The following SCN1A variants were observed in gnomAD, a reference collection of about 807,000 sequenced individuals.
SCN1A encodes sodium channel protein type 1 subunit alpha.
Under a neutral mutation model 193.7 loss-of-function variants are expected in SCN1A, and 13 were observed. That is an observed-to-expected ratio of 0.07 (90% CI 0.04 to 0.11). SCN1A has a LOEUF of 0.11. Among genes scored for constraint, SCN1A ranks in the 10% least tolerant of loss-of-function variants. SCN1A has a pLI of 1.00. For missense variants in SCN1A, 1,432 were observed against 2,451.1 expected (o/e 0.58, Z 8.78); for synonymous variants, 781 against 843.6 (o/e 0.93, Z 1.29).
At chr2:166,120,082 CCTTTTGCTTTATGTATTA>C (rs1196356136) in intron 2 of SCN1A, among the ~76,000 whole-genome samples, 8 of 149,948 alleles carry the variant, frequency 5.3e-5, no homozygotes, top group Non-Finnish European at 7.4e-5. Flanking sequence ...TTTATATTTC[CCTTTTGCTTTATGTATTA>C]CTTTTGCTTT....
At chr2:166,061,103 G>T (rs377678709) in intron 4 of SCN1A, among the ~76,000 whole-genome samples, 1 of 152,052 alleles carries the variant, frequency 6.6e-6, no homozygotes, top group Non-Finnish European at 1.5e-5. Context: ...TTGTACCTCC[G>T]TGGATAAGGA....
At chr2:166,004,540 TC>T (rs1182205752) in intron 23 of SCN1A, among the ~76,000 whole-genome samples, 1 of 151,508 alleles carries the variant, frequency 6.6e-6, no homozygotes, top group Non-Finnish European at 1.5e-5. Context: ...CCTAACCTTC[TC>T]CTTCATTTAA....
At chr2:166,136,723 G>A (rs1264239007) in intron 1 of SCN1A, among the ~76,000 whole-genome samples, 1 of 152,212 alleles carries the variant, frequency 6.6e-6, no homozygotes, top group Non-Finnish European at 1.5e-5. Flanking sequence ...GATGGTTGAT[G>A]AGTGCCCAGG....
chr2:166,091,347 T>C (rs1207965052), intron 2 of SCN1A, among the ~76,000 whole-genome samples: 1 of 152,204 alleles, frequency 6.6e-6, no homozygotes, highest in Non-Finnish European at 1.5e-5. Flanking sequence ...TTTAGCAATT[T>C]TTAGAAACTA....
intron 7 of SCN1A, 23 bp downstream of exon 7, chr2:166,054,615 A>C: frequency 6.2e-7 from 1 of 1,611,066 alleles, no homozygotes; most frequent in Non-Finnish European, 8.5e-7. Flanking sequence ...GTTCTCTCTT[A>C]AAGTTTCAAA....
intron 4 of SCN1A, among the ~76,000 whole-genome samples, chr2:166,072,817 C>T (rs1684571181): frequency 6.8e-6 from 1 of 147,212 alleles, no homozygotes; most frequent in South Asian, 2.1e-4. Flanking sequence ...TCCTTCCTTC[C>T]CTCCCACCCT....
chr2:166,060,624 A>C (rs1683200703), intron 4 of SCN1A: 1 of 152,146 alleles, frequency 6.6e-6, no homozygotes, highest in Admixed American at 6.6e-5. Context: ...TTGGGAGGCC[A>C]AAGTGGGCAC....
chr2:166,118,890 T>A (rs1690215527), intron 2 of SCN1A, among the ~76,000 whole-genome samples: 3 of 152,226 alleles, frequency 2.0e-5, no homozygotes, highest in Admixed American at 2.0e-4. Flanking sequence ...TACAATAATC[T>A]AGATAAGGAG....
At chr2:166,003,912 C>G (rs1408044537) in intron 23 of SCN1A, among the ~76,000 whole-genome samples, 1 of 151,184 alleles carries the variant, frequency 6.6e-6, no homozygotes, top group Non-Finnish European at 1.5e-5. Context: ...TCTTATACTT[C>G]TGATCCCTGT....
chr2:166,082,828 A>G (rs1175877586), intron 2 of SCN1A, among the ~76,000 whole-genome samples: 1 of 152,066 alleles, frequency 6.6e-6, no homozygotes, highest in African/African-American at 2.4e-5. Flanking sequence ...GAAAAATTAT[A>G]TATCTTCAAT....
intron 9 of SCN1A, among the ~76,000 whole-genome samples, chr2:166,051,514 G>T (rs1310274448): frequency 6.6e-6 from 1 of 151,684 alleles, no homozygotes; most frequent in Non-Finnish European, 1.5e-5. Flanking sequence ...TATTTCATTA[G>T]TTTTAAATTT....
At chr2:166,140,740 C>G (rs138202494) in intron 1 of SCN1A, among the ~76,000 whole-genome samples, 141 of 152,206 alleles carry the variant, frequency 9.3e-4, no homozygotes, top group Middle Eastern at 6.8e-3. Context: ...CTTCATGTTG[C>G]AAACATCGTA....
At chr2:166,091,230 G>C (rs1290701356) in intron 2 of SCN1A, among the ~76,000 whole-genome samples, 2 of 152,078 alleles carry the variant, frequency 1.3e-5, no homozygotes, top group African/African-American at 2.4e-5. Flanking sequence ...TGTCGGCTGA[G>C]ACAAAAAAGA....
chr2:166,051,568 T>C (rs2105887873), intron 9 of SCN1A, 151 bp downstream of exon 9: 2 of 546,602 alleles, frequency 3.7e-6, no homozygotes, highest in East Asian at 6.1e-5. Context: ...TTTCTATATA[T>C]GGGGTACATG....
chr2:166,012,047 G>T, intron 22 of SCN1A, 62 bp downstream of exon 22: 1 of 1,466,080 alleles, frequency 6.8e-7, no homozygotes, highest in Non-Finnish European at 9.5e-7. Context: ...CACTATTGTA[G>T]AATTTGAATA....
intron 2 of SCN1A, among the ~76,000 whole-genome samples, chr2:166,111,817 T>C (rs1689323718): frequency 6.6e-6 from 1 of 152,026 alleles, no homozygotes; most frequent in African/African-American, 2.4e-5. Flanking sequence ...CTTTGAGGGG[T>C]ACAAGATTCA....
rs908038410 is a variant in SCN1A, at chr2:165,992,589, C to A, written c.4853-167G>T. On this transcript the variant is annotated intron_variant, in intron 28 of 28. Coordinates refer to ENST00000674923, the MANE Select transcript of SCN1A (RefSeq NM_001165963.4). This position sits in a 1 kb window ranked among gnomAD's most constrained non-coding sequence, Gnocchi z 6.5. ...TAATTGTACATAATATATTATAAAT[C>A]TTAATTTTGAAATTCAGCAATAATT... 2 of 355,088 alleles carry A rather than the reference C, an allele frequency of 5.6e-6. No individual in the cohort carries two copies. Among genetic ancestry groups the A allele is most frequent in the Non-Finnish European group, 9.0e-6 (2 of 221,120 alleles). The allele number at this position is 355,088 out of a possible 1,614,324, so 22.0% of individuals were successfully genotyped here. A position where few individuals can be genotyped will look rare whatever the true frequency, so the allele number is the denominator to read the frequency against.
chr2:166,010,472 G>T (rs1692283008), intron 22 of SCN1A, among the ~76,000 whole-genome samples: 1 of 150,952 alleles, frequency 6.6e-6, no homozygotes, highest in East Asian at 1.9e-4. Flanking sequence ...ATGATATCTG[G>T]CCCCAAAGGG....
At chr2:166,080,048 T>C (rs1346972245) in intron 2 of SCN1A, among the ~76,000 whole-genome samples, 4 of 151,718 alleles carry the variant, frequency 2.6e-5, no homozygotes, top group Non-Finnish European at 5.9e-5. Context: ...TTTTTAGTAA[T>C]ATGAAAAATT....
Sources: allele counts gnomAD v4.1 joint callset (sites outside exome capture counted in the v4.1 genomes callset), GRCh38; gene constraint gnomAD v4.1.1; non-coding constraint Gnocchi (gnomAD v3.1); transcripts MANE v1.5; gene names NCBI Gene and HGNC (gene_info 2026-07-23, HGNC 2026-07-21).